The following EFEMP1 variants were observed in gnomAD, a reference collection of about 807,000 sequenced individuals.
EFEMP1 encodes the protein EGF-like fibulin extracellular matrix protein 1.
Under a neutral mutation model 65.7 loss-of-function variants are expected in EFEMP1, and 18 were observed. The ratio of observed to expected loss-of-function variants is 0.27; its 90% CI spans 0.19 to 0.41. EFEMP1 has a LOEUF of 0.41. Ranked by LOEUF, EFEMP1 falls within the 10% of genes least tolerant of loss-of-function variation. EFEMP1 has a pLI of 1.00. For missense variants in EFEMP1, 469 were observed against 624.8 expected, an observed-to-expected ratio of 0.75 and a Z score of 2.66; for synonymous variants, 237 against 219.7, an observed-to-expected ratio of 1.08 and a Z score of -0.70.
rs549729674 is a variant in EFEMP1 at position 55,890,821 on chromosome 2, A to C, written c.518-9087T>G. Among the ~76,000 whole-genome samples, 61 of 152,104 alleles carry C rather than the reference A, an allele frequency of 4.0e-4. 1 individual carries two copies. The highest frequency in any genetic ancestry group is 9.9e-4 in the African/African-American group (41 of 41,534). ...ATAAGAAGGCCCATAGCCCTACCCT[A>C]CCTCCTCATATCATCCTTATCTTTT... On this transcript the variant is annotated intron_variant, in intron 5 of 11. Transcript: ENST00000355426.
intron 5 of EFEMP1, among the ~76,000 whole-genome samples, chr2:55,906,219 C>A (rs1382076874): frequency 7.5e-6 from 1 of 133,238 alleles, no homozygotes; most frequent in Non-Finnish European, 1.5e-5. Flanking sequence ...CAAAGCCCTG[C>A]ATCTTTTTTT....
At chr2:55,895,223 A>G (rs1669773928) in intron 5 of EFEMP1, among the ~76,000 whole-genome samples, 1 of 152,228 alleles carries the variant, frequency 6.6e-6, no homozygotes, top group African/African-American at 2.4e-5. Context: ...CTGTGCACAC[A>G]GGTGTTAACA....
At chr2:55,912,301 G>A (rs72811707) in intron 5 of EFEMP1, among the ~76,000 whole-genome samples, 2,317 of 152,200 alleles carry the variant, frequency 0.015, 41 homozygotes, top group African/African-American at 0.046. Context: ...TGCAGCCAGC[G>A]ACCCTAATGA....
chr2:55,892,477 T>C (rs1342994933), intron 5 of EFEMP1, among the ~76,000 whole-genome samples: 1 of 152,148 alleles, frequency 6.6e-6, no homozygotes, highest in East Asian at 1.9e-4. Flanking sequence ...GTGACTTCTC[T>C]GTCCCTCTAA....
intron 5 of EFEMP1, among the ~76,000 whole-genome samples, chr2:55,887,109 G>A (rs905644553): frequency 6.6e-5 from 10 of 152,242 alleles, no homozygotes; most frequent in Non-Finnish European, 1.0e-4. Context: ...TAGCCCTGTG[G>A]AAGAGGTAGT....
At chr2:55,903,209 A>G (rs1670110544) in intron 5 of EFEMP1, among the ~76,000 whole-genome samples, 1 of 152,246 alleles carries the variant, frequency 6.6e-6, no homozygotes, top group East Asian at 1.9e-4. Context: ...ATTCCACTAC[A>G]GGAGAAAATT....
chr2:55,909,605 C>A (rs1247880948), intron 5 of EFEMP1, among the ~76,000 whole-genome samples: 1 of 152,076 alleles, frequency 6.6e-6, no homozygotes. Flanking sequence ...TCCCAATGTC[C>A]CCTCATCATT....
Position 55,867,231 on chromosome 2 carries a change from T to C in EFEMP1, c.1324A>G (p.Thr442Ala), listed in dbSNP as rs747755796. The C allele has an allele frequency of 3.1e-6, 5 of 1,613,638 alleles. No homozygotes were observed. The South Asian group carries it at 5.5e-5, about 18-fold the overall frequency. ...ACAAGCATTGCACTTACAGGACTTG[T>C]TTGCTAAAATAAAAGAAAATAGAGA... is the stretch of plus-strand genomic sequence containing the variant. The part of the protein sequence containing the change: ...NENGEFYLRQ[T>A]SPVSAMLVLV... Residue 442 changes from threonine to alanine, a missense_variant, in exon 12 of 12, where the codon ACA (threonine) becomes GCA (alanine). Transcript: ENST00000355426. The surrounding 1 kb of genome is among the most constrained non-coding windows in gnomAD (Gnocchi z 4.3).
rs1031283313 is a variant in EFEMP1, at chr2:55,885,384, G to A, written c.518-3650C>T. On this transcript the variant is annotated intron_variant, in intron 5 of 11. Transcript: ENST00000355426. The surrounding 1 kb of genome is among the most constrained non-coding windows in gnomAD (Gnocchi z 4.3). ...AAGAGGATCATGAAATGCTAGATCT[G>A]TCGTGAACAAAATTCAAGGCCTTAA... is the stretch of plus-strand genomic sequence containing the variant. Among the ~76,000 whole-genome samples, 2 of 152,198 alleles carry A rather than the reference G, an allele frequency of 1.3e-5. No homozygotes were observed. Among genetic ancestry groups the A allele is most frequent in the African/African-American group, 4.8e-5 (2 of 41,444 alleles).
At chr2:55,900,246 A>T (rs1669980329) in intron 5 of EFEMP1, among the ~76,000 whole-genome samples, 1 of 152,210 alleles carries the variant, frequency 6.6e-6, no homozygotes, top group African/African-American at 2.4e-5. Context: ...AGGAAATCTT[A>T]TGAGCAGAAT....
At position 55,871,398 on chromosome 2, in the gene EFEMP1, T is replaced by G. The variant is rs1252292447; in HGVS notation, c.1001-275A>C. ...GAATTCAAACCCCAATGTTAACCAC[T>G]GACTCTGCCTATATAAAAGTTAAAC... is the stretch of plus-strand genomic sequence containing the variant. On this transcript the variant is annotated intron_variant, in intron 9 of 11. Transcript: ENST00000355426. This position sits in a 1 kb window ranked among gnomAD's most constrained non-coding sequence, Gnocchi z 4.2. 6.6e-6 allele frequency among the ~76,000 whole-genome samples: 1 copy of G among 152,178 alleles called. No homozygotes were observed. Among genetic ancestry groups the G allele is most frequent in the African/African-American group, 2.4e-5 (1 of 41,458 alleles).
intron 5 of EFEMP1, among the ~76,000 whole-genome samples, chr2:55,894,285 AT>A (rs1043798737): frequency 6.6e-6 from 1 of 152,166 alleles, no homozygotes; most frequent in Non-Finnish European, 1.5e-5. Context: ...TTATTTATTT[AT>A]TTTTTTGAGA....
At chr2:55,910,204 C>G (rs1670430958) in intron 5 of EFEMP1, among the ~76,000 whole-genome samples, 1 of 152,176 alleles carries the variant, frequency 6.6e-6, no homozygotes, top group Admixed American at 6.6e-5. Context: ...TTATTCACTT[C>G]ATTTTTATTA....
intron 5 of EFEMP1, among the ~76,000 whole-genome samples, chr2:55,882,892 GA>G (rs1298629379): frequency 6.6e-6 from 1 of 152,106 alleles, no homozygotes; most frequent in Non-Finnish European, 1.5e-5. Flanking sequence ...AGTAGGGAAA[GA>G]ATCAATAATA....
At chr2:55,915,905 C>T (rs1046632140) in intron 5 of EFEMP1, among the ~76,000 whole-genome samples, 3 of 152,014 alleles carry the variant, frequency 2.0e-5, no homozygotes, top group Non-Finnish European at 2.9e-5. Context: ...AATTCAATAT[C>T]AGAATATCAA....
At position 55,881,719 on chromosome 2, in the gene EFEMP1, G is replaced by A; in HGVS notation, c.533C>T (p.Thr178Ile). 6.2e-7 allele frequency: 1 copy of A among 1,613,930 alleles called. No homozygotes were observed. The highest frequency in any genetic ancestry group is 8.5e-7 in the Non-Finnish European group (1 of 1,179,878). The change falls in exon 6 of 12, where the codon ACT becomes ATT. Residue 178 changes from threonine (T) to isoleucine (I), a missense_variant. Coordinates refer to ENST00000355426, the MANE Select transcript of EFEMP1 (RefSeq NM_001039348.3). ...TGCTCTACAGTTGTGCGTCCCTGCA[G>A]TGCACTCGTCTATGTCTGTCAGAGA... ...HNVCQDIDEC[T>I]AGTHNCRADQ... is the part of the protein sequence containing the mutation.
chr2:55,882,096 T>C (rs985053011), intron 5 of EFEMP1, among the ~76,000 whole-genome samples: 21 of 152,318 alleles, frequency 1.4e-4, no homozygotes, highest in African/African-American at 4.8e-4. Context: ...TTTGTACTTT[T>C]GTTAGACAGG....
Position 55,923,706 on chromosome 2 carries a change from C to T in EFEMP1, c.-49+5G>A, listed in dbSNP as rs1486576634. On this transcript the variant is annotated splice_donor_5th_base_variant and intron_variant, in intron 1 of 11. Transcript: ENST00000355426. This position sits in a 1 kb window ranked among gnomAD's most constrained non-coding sequence, Gnocchi z 5.3. ...TCGGGGCGACCCCCCGTTGGGGGCT[C>T]CTACCTGTGCGGCCGCGCTGCGCTC... 1 of 985,770 alleles carries T rather than the reference C, an allele frequency of 1.0e-6. No individual in the cohort carries two copies. Among genetic ancestry groups the T allele is most frequent in the African/African-American group, 1.7e-5 (1 of 57,244 alleles). 61.1% of individuals were successfully genotyped at this position (985,770 alleles called of 1,614,324 possible).
chr2:55,887,083 T>G (rs931012089), intron 5 of EFEMP1, among the ~76,000 whole-genome samples: 2 of 152,144 alleles, frequency 1.3e-5, no homozygotes, highest in African/African-American at 4.8e-5. Context: ...TTACAAAGCT[T>G]CTTATTTAAT....
Sources: gnomAD v4.1 joint callset for allele counts (sites outside exome capture counted in the v4.1 genomes callset) on GRCh38, gnomAD v4.1.1 for gene constraint, Gnocchi (gnomAD v3.1) non-coding constraint, MANE v1.5 for transcripts, NCBI Gene and HGNC (gene_info 2026-07-23, HGNC 2026-07-21) for gene names.